INTS9: variants seen among roughly 807,000 people sequenced by gnomAD.
INTS9 encodes protein related to CPSF subunits of 74 kDa.
A neutral mutation model predicts 79.7 loss-of-function variants in INTS9; 55 were observed. The ratio of observed to expected loss-of-function variants is 0.69; its 90% CI spans 0.56 to 0.86. The LOEUF (loss-of-function observed/expected upper bound fraction) is 0.86. INTS9 is among the 40% of genes least tolerant of loss of function. The pLI, the probability that INTS9 is intolerant of heterozygous loss-of-function variation, is 0.00. For missense variants in INTS9, 721 were observed against 831.5 expected (o/e 0.87, Z 1.64); for synonymous variants, 319 against 325.2 (o/e 0.98, Z 0.20).
Position 28,859,557 on chromosome 8 carries a change from G to A in INTS9, c.16C>T (p.Leu6=). 6.2e-7 allele frequency: 1 copy of A among 1,614,064 alleles called. No individual in the cohort carries two copies. The highest frequency in any genetic ancestry group is 1.3e-5 in the African/African-American group (1 of 75,042). The part of the protein sequence containing the change: MKLYC[L]SGHPTLPCNV... ...CATGGTAAGGTTGGGTGCCCTGACAGGCAATACTGAAAAAAATTAAATCAC... is the reference window on the plus strand; with the variant it reads ...CATGGTAAGGTTGGGTGCCCTGACAAGCAATACTGAAAAAAATTAAATCAC... Residue 6 remains leucine, a synonymous_variant, in exon 2 of 17, where the codon CTG becomes TTG. Coordinates refer to ENST00000521022, the MANE Select transcript of INTS9 (RefSeq NM_018250.4).
intron 1 of INTS9, among the ~76,000 whole-genome samples, chr8:28,881,738 G>T (rs1337830998): frequency 1.4e-5 from 2 of 141,938 alleles, no homozygotes; most frequent in African/African-American, 2.7e-5. Flanking sequence ...CGGCCGCCCC[G>T]TCCGGGAGGT....
At chr8:28,871,523 G>T (rs1036809412) in intron 1 of INTS9, among the ~76,000 whole-genome samples, 1 of 152,008 alleles carries the variant, frequency 6.6e-6, no homozygotes, top group Admixed American at 6.6e-5. Flanking sequence ...TCCCACCTCA[G>T]CCTCCTAAGT....
intron 8 of INTS9, among the ~76,000 whole-genome samples, chr8:28,802,576 T>C (rs1804581621): frequency 6.6e-6 from 1 of 152,150 alleles, no homozygotes; most frequent in South Asian, 2.1e-4. Flanking sequence ...GACCAAGGTG[T>C]TGGTGCTGGA....
At chr8:28,770,231 A>T (rs1563236110) in intron 15 of INTS9, among the ~76,000 whole-genome samples, 1 of 152,238 alleles carries the variant, frequency 6.6e-6, no homozygotes, top group Non-Finnish European at 1.5e-5. Context: ...CCAGCCTACC[A>T]ACACCTTATT....
At chr8:28,806,041 G>T in intron 8 of INTS9, among the ~76,000 whole-genome samples, 1 of 151,658 alleles carries the variant, frequency 6.6e-6, no homozygotes, top group Non-Finnish European at 1.5e-5. Context: ...ACCAGCCTGG[G>T]CAATATAGGA....
chr8:28,809,823 GA>G (rs1805006900), intron 8 of INTS9, among the ~76,000 whole-genome samples: 1 of 152,092 alleles, frequency 6.6e-6, no homozygotes, highest in South Asian at 2.1e-4. Context: ...CCAGATGCAG[GA>G]AAAAATAGCA....
At chr8:28,773,091 C>G (rs943457942) in intron 14 of INTS9, among the ~76,000 whole-genome samples, 4 of 152,112 alleles carry the variant, frequency 2.6e-5, no homozygotes, top group African/African-American at 9.7e-5. Context: ...TGGAAATAAA[C>G]ATATATGGAC....
chr8:28,813,920 C>A (rs548682125), intron 6 of INTS9, among the ~76,000 whole-genome samples: 99 of 151,916 alleles, frequency 6.5e-4, no homozygotes, highest in Non-Finnish European at 1.3e-3. Flanking sequence ...ACCACCATGC[C>A]CGGCTAATTT....
chr8:28,857,969 C>T (rs1164572666), intron 2 of INTS9, among the ~76,000 whole-genome samples: 2 of 152,124 alleles, frequency 1.3e-5, no homozygotes, highest in East Asian at 3.9e-4. Flanking sequence ...AGTAGAACTT[C>T]CCTCTGAGAG....
At chr8:28,802,605 G>C (rs1182718892) in intron 8 of INTS9, among the ~76,000 whole-genome samples, 1 of 152,150 alleles carries the variant, frequency 6.6e-6, no homozygotes, top group Non-Finnish European at 1.5e-5. Context: ...AAGGCCTTCA[G>C]GTAAGAGCTA....
intron 11 of INTS9, among the ~76,000 whole-genome samples, chr8:28,782,949 C>A (rs539712665): frequency 1.3e-4 from 20 of 152,154 alleles, no homozygotes; most frequent in Non-Finnish European, 1.5e-4. Context: ...AGATGGAGAC[C>A]ATCCTGGCTA....
intron 6 of INTS9, among the ~76,000 whole-genome samples, chr8:28,823,625 A>G (rs560299985): frequency 6.6e-6 from 1 of 152,334 alleles, no homozygotes; most frequent in East Asian, 1.9e-4. Flanking sequence ...ATTCTTAGGC[A>G]CAACTGGACA....
chr8:28,825,073 A>G (rs1806073273), intron 6 of INTS9, among the ~76,000 whole-genome samples: 1 of 152,168 alleles, frequency 6.6e-6, no homozygotes, highest in African/African-American at 2.4e-5. Flanking sequence ...ACGATTCTGA[A>G]CTTGACAGGA....
At chr8:28,805,587 G>A (rs958357990) in intron 8 of INTS9, among the ~76,000 whole-genome samples, 1 of 152,042 alleles carries the variant, frequency 6.6e-6, no homozygotes, top group Non-Finnish European at 1.5e-5. Flanking sequence ...TGTTCTAAAC[G>A]ACCCAGAACT....
chr8:28,848,733 A>T (rs1807665285), intron 3 of INTS9, among the ~76,000 whole-genome samples: 1 of 152,184 alleles, frequency 6.6e-6, no homozygotes, highest in Non-Finnish European at 1.5e-5. Flanking sequence ...GCTATGATGA[A>T]GTCTCCTCAC....
chr8:28,887,971 T>C (rs2131407442), intron 1 of INTS9, among the ~76,000 whole-genome samples: 1 of 152,334 alleles, frequency 6.6e-6, no homozygotes, highest in African/African-American at 2.4e-5. Flanking sequence ...CCCTCACTAA[T>C]GAGTTGTTAT....
rs755411492 is a variant in INTS9 at position 28,775,774 on chromosome 8, G to C, written c.1548C>G (p.Ile516Met). Reference sequence around the variant, plus strand: ...AACAGCTCACCTCTGGCATGATCTCGATCTTCTCGTACCGACGTTTGAAGG... The same window carrying C: ...AACAGCTCACCTCTGGCATGATCTCCATCTTCTCGTACCGACGTTTGAAGG... ...ALPFKRRYEK[I>M]EIMPELADSL... is the part of the protein sequence containing the mutation. The change falls in exon 14 of 17, where the codon ATC (isoleucine) becomes ATG (methionine). Residue 516 changes from isoleucine (I) to methionine (M), a missense_variant. Ile to Met is a conservative substitution (Grantham distance 10). Around this residue, in one of 3 missense-constraint regions of INTS9, gnomAD observed 281 missense variants for 300.8 expected, o/e 0.93. Coordinates refer to ENST00000521022, the MANE Select transcript of INTS9 (RefSeq NM_018250.4). 1 of 1,614,042 alleles carries C rather than the reference G, an allele frequency of 6.2e-7. No homozygotes were observed. The highest frequency in any genetic ancestry group is 8.5e-7 in the Non-Finnish European group (1 of 1,180,002).
chr8:28,819,204 G>A (rs1434705325), intron 6 of INTS9, among the ~76,000 whole-genome samples: 2 of 152,100 alleles, frequency 1.3e-5, no homozygotes, highest in Non-Finnish European at 2.9e-5. Flanking sequence ...GCTTTTGAAT[G>A]TGTTTGCTCT....
chr8:28,814,486 T>C (rs1563269657), intron 6 of INTS9, among the ~76,000 whole-genome samples: 1 of 152,018 alleles, frequency 6.6e-6, no homozygotes, highest in African/African-American at 2.4e-5. Flanking sequence ...CCACAAAAAA[T>C]ATGGCAACTG....
Sources: gnomAD v4.1 joint callset for allele counts (sites outside exome capture counted in the v4.1 genomes callset) on GRCh38, gnomAD v4.1.1 for gene constraint, gnomAD v4.1.1 regional missense constraint, MANE v1.5 for transcripts, NCBI Gene and HGNC (gene_info 2026-07-23, HGNC 2026-07-21) for gene names.